The following SLC4A11 variants were observed in gnomAD, a reference collection of about 807,000 sequenced individuals.
SLC4A11 encodes the protein bicarbonate transporter related protein 1.
SLC4A11 carries 74 observed loss-of-function variants against 95.0 expected under a neutral mutation model. The observed-to-expected ratio is 0.78, with a 90% CI of 0.65 to 0.95. The LOEUF (loss-of-function observed/expected upper bound fraction) is 0.95. SLC4A11 is among the 40% of genes least tolerant of loss of function. SLC4A11 has a pLI of 0.00. For missense variants in SLC4A11, 1,081 were observed against 1,192.4 expected (o/e 0.91, Z 1.38); for synonymous variants, 548 against 519.0 (o/e 1.06, Z -0.76).
At chr20:3,239,471 GT>G, upstream of SLC4A11, 13 of 1,025,802 alleles carry the variant, frequency 1.3e-5, no homozygotes, top group Non-Finnish European at 1.5e-5. Context: ...AGCGTCGCGA[GT>G]TTAGGGGCTG....
In SLC4A11 at chr20:3,229,690, C is replaced by T. The variant is rs776322068; in HGVS notation, c.1576G>A (p.Ala526Thr). Residue 526 changes from alanine (A) to threonine (T), a missense_variant, in exon 14 of 20, where the codon GCC (alanine) becomes ACC (threonine). Coordinates refer to ENST00000642402, the MANE Select transcript of SLC4A11 (RefSeq NM_001174089.2). ...SSLVSLSGLG[A>T]SLNASLHTAL... ...GTGTGGAGGCTGGCGTTGAGGCTGG[C>T]GCCGAGGCCTGACAGGCTGACAAGG... 5 of 1,613,646 alleles carry T rather than the reference C, an allele frequency of 3.1e-6. No homozygotes were observed. The Admixed American group carries it at 5.0e-5, about 16-fold the overall frequency.
At chr20:3,229,848 C>T in intron 13 of SLC4A11, 72 bp from the exon 14 acceptor site, 2 of 1,605,602 alleles carry the variant, frequency 1.2e-6, no homozygotes, top group Non-Finnish European at 1.7e-6. Flanking sequence ...GGGAGGGGAT[C>T]TCAGGGAGAA....
intron 1 of SLC4A11, chr20:3,238,025 T>G: frequency 6.5e-7 from 1 of 1,538,740 alleles, no homozygotes; most frequent in East Asian, 2.5e-5. Flanking sequence ...ACATCCCTCT[T>G]CTCACTCTCA....
intron 2 of SLC4A11, 150 bp downstream of exon 2, chr20:3,237,394 C>A (rs2068014830): frequency 1.2e-6 from 1 of 837,214 alleles, no homozygotes; most frequent in Admixed American, 1.8e-5. Context: ...GTCTAGCTTC[C>A]CGAAGAGTGG....
Position 3,228,529 on chromosome 20 carries a change from G to C in SLC4A11, c.2371C>G (p.Leu791Val). 2 of 1,613,102 alleles carry C rather than the reference G, an allele frequency of 1.2e-6. No individual in the cohort carries two copies. Among genetic ancestry groups the C allele is most frequent in the Non-Finnish European group, 1.7e-6 (2 of 1,179,922 alleles). Residue 791 changes from leucine to valine, a missense_variant, in exon 18 of 20, where the codon CTG becomes GTG. Physicochemically the swap from Leu to Val is conservative, Grantham distance 32. Around this residue, in one of 3 missense-constraint regions of SLC4A11, gnomAD observed 767 missense variants for 858.0 expected, o/e 0.89. Transcript: ENST00000642402. Reference protein sequence around the residue: ...DGNQLVQRVALLLKEQTAYPP... With the variant: ...DGNQLVQRVAVLLKEQTAYPP... ...GCGCTCACCTGCTCCTTGAGCAGCA[G>C]GGCCACGCGCTGGACGAGCTGGTTG...
Position 3,229,127 on chromosome 20 carries a change from C to G in SLC4A11, c.1986G>C (p.Leu662Phe), listed in dbSNP as rs2067656734. The change falls in exon 16 of 20, where the codon TTG becomes TTC. Residue 662 changes from leucine to phenylalanine, a missense_variant. Transcript: ENST00000642402. Reference protein sequence around the residue: ...LSMLFFIEQNLVAALVNAPEN... With the variant: ...LSMLFFIEQNFVAALVNAPEN... ...CCGGTGCATTCACCAAGGCGGCCAC[C>G]AAGTTCTGCTCGATGAAGAAGAGCA... The G allele has an allele frequency of 1.2e-6, 2 of 1,611,124 alleles. No individual in the cohort carries two copies. Among genetic ancestry groups the G allele is most frequent in the Non-Finnish European group, 1.7e-6 (2 of 1,179,768 alleles).
Position 3,228,712 on chromosome 20 carries a change from G to A in SLC4A11, c.2193-5C>T, listed in dbSNP as rs556189284. 4.6e-5 allele frequency: 74 copies of A among 1,612,488 alleles called. 1 individual carries two copies. Among genetic ancestry groups the A allele is most frequent in the Non-Finnish European group, 5.5e-5 (65 of 1,179,758 alleles). On this transcript the variant is annotated splice_polypyrimidine_tract_variant and splice_region_variant and intron_variant, in intron 17 of 19. Coordinates refer to ENST00000642402, the MANE Select transcript of SLC4A11 (RefSeq NM_001174089.2). ...GTCTCCTTCACGTTCACAATCCTGC[G>A]GTGGCCCGAGCCGCGAGTGTCACCT...
intron 16 of SLC4A11, 35 bp downstream of exon 16, chr20:3,229,060 G>GGGCGCCCCCCCCC: frequency 6.5e-7 from 1 of 1,542,148 alleles, no homozygotes; most frequent in Non-Finnish European, 8.7e-7. Context: ...AGAGGCCCGG[G>GGGCGCCCCCCCCC]CCCCGCCCAC....
chr20:3,234,396 G>T lies in SLC4A11; in HGVS notation c.292-82C>A, dbSNP rs571846998. ...CCTGGTCCCTCCCTCCCAGCCAGCCGCAGCAGTCCAGCCCCCAGCCCCCAG... is the reference window on the plus strand; with the variant it reads ...CCTGGTCCCTCCCTCCCAGCCAGCCTCAGCAGTCCAGCCCCCAGCCCCCAG... On this transcript the variant is annotated intron_variant, in intron 4 of 19. Coordinates refer to ENST00000642402, the MANE Select transcript of SLC4A11 (RefSeq NM_001174089.2). The surrounding 1 kb of genome is among the most constrained non-coding windows in gnomAD (Gnocchi z 5.8). 6.7e-6 allele frequency: 9 copies of T among 1,341,204 alleles called. No individual in the cohort carries two copies. Among genetic ancestry groups the T allele is most frequent in the South Asian group, 6.0e-5 (5 of 82,984 alleles). 83.1% of individuals were successfully genotyped at this position (1,341,204 alleles called of 1,614,324 possible).
rs769684269 is a variant in SLC4A11, at chr20:3,227,804, C to A, written c.2611G>T (p.Ala871Ser). Residue 871 changes from alanine (A) to serine (S), a missense_variant, in exon 20 of 20, where the codon GCT (alanine) becomes TCT (serine). Ala to Ser is a moderately conservative substitution (Grantham distance 99). Around this residue, in one of 3 missense-constraint regions of SLC4A11, gnomAD observed 767 missense variants for 858.0 expected, o/e 0.89. Coordinates refer to ENST00000642402, the MANE Select transcript of SLC4A11 (RefSeq NM_001174089.2). ...IEAKYLDVMDAEHRP is the reference protein window; with the variant it reads ...IEAKYLDVMDSEHRP ...TCTGCCAGTCAAGGCCTGTGCTCAG[C>A]GTCCATGACATCCAAGTACTTGGCT... 1.9e-6 allele frequency: 3 copies of A among 1,613,054 alleles called. No homozygotes were observed. In the African/African-American group the frequency reaches 4.0e-5, roughly 22 times the overall value.
intron 2 of SLC4A11, among the ~76,000 whole-genome samples, chr20:3,235,507 G>C (rs762449131): frequency 6.6e-6 from 1 of 152,084 alleles, no homozygotes; most frequent in Non-Finnish European, 1.5e-5. Flanking sequence ...CAGGGGAGAG[G>C]ACCCCAAGGC....
Position 3,229,601 on chromosome 20 carries a change from C to G in SLC4A11, c.1665G>C (p.Gln555His). The G allele has an allele frequency of 6.2e-7, 1 of 1,612,834 alleles. No individual in the cohort carries two copies. The highest frequency in any genetic ancestry group is 8.5e-7 in the Non-Finnish European group (1 of 1,179,928). The change falls in exon 14 of 20, where the codon CAG becomes CAC. Residue 555 changes from glutamine to histidine, a missense_variant. Around this residue, in one of 3 missense-constraint regions of SLC4A11, gnomAD observed 767 missense variants for 858.0 expected, o/e 0.89. Coordinates refer to ENST00000642402, the MANE Select transcript of SLC4A11 (RefSeq NM_001174089.2). ...TGAGGAGGCTGAGCACGGCGGTCGC[C>G]TGGCCTGAGTGTGTGGCCGAGGGCA... is the stretch of plus-strand genomic sequence containing the variant. ...TELPSATHSG[Q>H]ATAVLSLLIM... is the part of the protein sequence containing the mutation.
Position 3,234,559 on chromosome 20 carries a change from G to T in SLC4A11, c.291+9C>A, listed in dbSNP as rs2122607261. On this transcript the variant is annotated intron_variant, in intron 4 of 19. Coordinates refer to ENST00000642402, the MANE Select transcript of SLC4A11 (RefSeq NM_001174089.2). The surrounding 1 kb of genome is among the most constrained non-coding windows in gnomAD (Gnocchi z 5.8). ...GGCCCCAGGACCACCTGCAGGACAG[G>T]CCATTCACCTTTCGGGAGGTGTGCA... 6.2e-7 allele frequency: 1 copy of T among 1,613,782 alleles called. No homozygotes were observed. Among genetic ancestry groups the T allele is most frequent in the Non-Finnish European group, 8.5e-7 (1 of 1,180,006 alleles).
chr20:3,235,303 TCTCTCTCACACA>T (rs1230420801), intron 2 of SLC4A11, among the ~76,000 whole-genome samples: 284 of 114,936 alleles, frequency 2.5e-3, no homozygotes, highest in African/African-American at 8.0e-3. Flanking sequence ...TCTCTCTCTC[TCTCTCTCACACA>T]CACACACACA....
At position 3,229,211 on chromosome 20, in the gene SLC4A11, G is replaced by T. The variant is rs770703194; in HGVS notation, c.1902C>A (p.Ile634=). ...TGACGGCCCTCAGGGACAGCGACTG[G>T]ATCTGCGCCATCGCAAAGGGGCTCT... ...PSESPFAMAQ[I]QSLSLRAVSG... is the part of the protein sequence containing the mutation. The change falls in exon 16 of 20, where the codon ATC becomes ATA. Residue 634 remains isoleucine, a synonymous_variant. Coordinates refer to ENST00000642402, the MANE Select transcript of SLC4A11 (RefSeq NM_001174089.2). 6.2e-7 allele frequency: 1 copy of T among 1,612,802 alleles called. No individual in the cohort carries two copies. The highest frequency in any genetic ancestry group is 1.3e-5 in the African/African-American group (1 of 75,044).
In SLC4A11 at chr20:3,230,207, GCA is replaced by G; in HGVS notation, c.1467_1468del (p.Ala490ArgfsTer6). 3 of 1,613,580 alleles carry G rather than the reference GCA, an allele frequency of 1.9e-6. No homozygotes were observed. The highest frequency in any genetic ancestry group is 2.5e-6 in the Non-Finnish European group (3 of 1,180,018). ...CTCACTTTTAACCGTGCCCTTGACGGCATCCAGCACAAACGTGATGGAAATGA... is the reference window on the plus strand; with the variant it reads ...CTCACTTTTAACCGTGCCCTTGACGGTCCAGCACAAACGTGATGGAAATGA... On this transcript the variant is annotated frameshift_variant, in exon 13 of 20. Coordinates refer to ENST00000642402, the MANE Select transcript of SLC4A11 (RefSeq NM_001174089.2). LOFTEE classifies it high-confidence loss of function.
chr20:3,237,882 A>G (rs1161987843), intron 1 of SLC4A11: 28 of 1,550,788 alleles, frequency 1.8e-5, no homozygotes, highest in Non-Finnish European at 2.4e-5. Flanking sequence ...CCACCGAGTT[A>G]GTACCAGTAC....
In SLC4A11 at chr20:3,229,521, C is replaced by T. The variant is rs1399387651; in HGVS notation, c.1742+3G>A. ...CCCCTCCCCTCCCCATGCAGCCCCT[C>T]ACCTCTTCTTGAATTGGTAGAGGGT... is the stretch of plus-strand genomic sequence containing the variant. On this transcript the variant is annotated splice_donor_region_variant and intron_variant, in intron 14 of 19. Transcript: ENST00000642402. 6.2e-7 allele frequency: 1 copy of T among 1,612,886 alleles called. No individual in the cohort carries two copies. Among genetic ancestry groups the T allele is most frequent in the South Asian group, 1.1e-5 (1 of 91,060 alleles).
Position 3,228,243 on chromosome 20 carries a change from G to C in SLC4A11, c.2558+16C>G. On this transcript the variant is annotated intron_variant, in intron 19 of 19. Coordinates refer to ENST00000642402, the MANE Select transcript of SLC4A11 (RefSeq NM_001174089.2). ...CTAGACTGGGCCCCTCCTGCCCACTGCCCACCCGCCTGTACCGGATGGGGA... is the reference window on the plus strand; with the variant it reads ...CTAGACTGGGCCCCTCCTGCCCACTCCCCACCCGCCTGTACCGGATGGGGA... 6.3e-7 allele frequency: 1 copy of C among 1,593,118 alleles called. No individual in the cohort carries two copies. The highest frequency in any genetic ancestry group is 1.4e-5 in the African/African-American group (1 of 73,208).
Sources: gnomAD v4.1 joint callset for allele counts (sites outside exome capture counted in the v4.1 genomes callset) on GRCh38, gnomAD v4.1.1 for gene constraint, gnomAD v4.1.1 regional missense constraint, Gnocchi (gnomAD v3.1) non-coding constraint, MANE v1.5 for transcripts, NCBI Gene and HGNC (gene_info 2026-07-23, HGNC 2026-07-21) for gene names.